Variants in HNRNPUL1 observed in about 807,000 individuals in gnomAD.
The protein encoded by HNRNPUL1 is heterogeneous nuclear ribonucleoprotein U like 1, also known as heterogeneous nuclear ribonucleoprotein U-like protein 1.
In HNRNPUL1, 14 loss-of-function variants were observed where a neutral mutation model predicts 108.5. The ratio of observed to expected loss-of-function variants is 0.13; its 90% CI spans 0.09 to 0.20. The LOEUF (loss-of-function observed/expected upper bound fraction) is 0.20, where lower values mean the gene tolerates loss of function less well. HNRNPUL1 is among the 10% of genes least tolerant of loss of function. HNRNPUL1 has a pLI of 1.00. For missense variants in HNRNPUL1, 804 were observed against 1,168.3 expected (o/e 0.69, Z 4.55); for synonymous variants, 422 against 445.2 (o/e 0.95, Z 0.66).
rs758876623 is a variant in HNRNPUL1, at chr19:41,305,666, C to T, written c.2263-10C>T. On this transcript the variant is annotated splice_polypyrimidine_tract_variant and intron_variant, in intron 13 of 14. Transcript: ENST00000392006. Reference sequence around the variant, plus strand: ...CACAGAGCTTTGGCTTTTTTCCCTCCACTTTCCAGCCGAGTTACAGCCAGC... The same window carrying T: ...CACAGAGCTTTGGCTTTTTTCCCTCTACTTTCCAGCCGAGTTACAGCCAGC... The T allele has an allele frequency of 6.2e-6, 10 of 1,613,992 alleles. No individual in the cohort carries two copies. The South Asian group carries it at 9.9e-5, about 16-fold the overall frequency.
chr19:41,301,725 A>G, intron 11 of HNRNPUL1, 21 bp downstream of exon 11: 1 of 1,601,192 alleles, frequency 6.2e-7, no homozygotes, highest in East Asian at 2.2e-5. Flanking sequence ...AGTGCTTCCC[A>G]GAGGAACGTC....
Position 41,304,135 on chromosome 19 carries a change from G to A in HNRNPUL1, c.2136G>A (p.Pro712=), listed in dbSNP as rs148483967. The change falls in exon 13 of 15, where the codon CCG becomes CCA. Residue 712 remains proline, a synonymous_variant. Coordinates refer to ENST00000392006, the MANE Select transcript of HNRNPUL1 (RefSeq NM_007040.6). Reference sequence around the variant, plus strand: ...CACAGCCACCACCCCAGCAGCCACCGCCACCACCCAGCTACAGCCCTGCTC... The same window carrying A: ...CACAGCCACCACCCCAGCAGCCACCACCACCACCCAGCTACAGCCCTGCTC... ...PPPQPPPQQP[P]PPPSYSPARN... 2.5e-5 allele frequency: 41 copies of A among 1,613,838 alleles called. No homozygotes were observed. The highest frequency in any genetic ancestry group is 1.3e-4 in the Admixed American group (8 of 59,980).
rs552927391 is a variant in HNRNPUL1, at chr19:41,306,309, C to T, written c.2455-140C>T. ...TGTGGTGTCAGGTCTTTCCAAGGTGCCTTGATTTCTCTGTCAGGGGACCTG... is the reference window on the plus strand; with the variant it reads ...TGTGGTGTCAGGTCTTTCCAAGGTGTCTTGATTTCTCTGTCAGGGGACCTG... On this transcript the variant is annotated intron_variant, in intron 14 of 14. Transcript: ENST00000392006. 4 of 596,614 alleles carry T rather than the reference C, an allele frequency of 6.7e-6. No homozygotes were observed. In the East Asian group the frequency reaches 1.2e-4, roughly 18 times the overall value. The allele number at this position is 596,614 out of a possible 1,614,324, so 37.0% of individuals were successfully genotyped here.
At chr19:41,267,370 C>T (rs189322269) in intron 1 of HNRNPUL1, among the ~76,000 whole-genome samples, 3 of 152,256 alleles carry the variant, frequency 2.0e-5, no homozygotes, top group African/African-American at 7.2e-5. Context: ...GAGCATTGTG[C>T]TTGGAGCCTG....
rs763928932 is a variant in HNRNPUL1, at chr19:41,301,564, G to A, written c.1547G>A (p.Arg516Gln). The A allele has an allele frequency of 1.9e-6, 3 of 1,613,992 alleles. No individual in the cohort carries two copies. Among genetic ancestry groups the A allele is most frequent in the South Asian group, 1.1e-5 (1 of 91,074 alleles). Reference protein sequence around the residue: ...QTNVYGSAQRRKMRPFEGFQR... With the variant: ...QTNVYGSAQRQKMRPFEGFQR... ...AATGTTTATGGGTCAGCCCAGAGAC[G>A]AAAAATGAGACCATTTGAAGGCTTC... The change falls in exon 11 of 15, where the codon CGA becomes CAA. Residue 516 changes from arginine (R) to glutamine (Q), a missense_variant. By Grantham distance (43) the Arg-to-Gln change is conservative. Transcript: ENST00000392006.
rs903580103 is a variant in HNRNPUL1 at position 41,272,293 on chromosome 19, C to T, written c.572+58C>T. The stretch of plus-strand genomic sequence containing the variant: ...TGGTAGGTTTCTATATCCATAGCCT[C>T]GTGCTTGCTGGGGACATTTGCACTA... On this transcript the variant is annotated intron_variant, in intron 3 of 14. Coordinates refer to ENST00000392006, the MANE Select transcript of HNRNPUL1 (RefSeq NM_007040.6). The T allele has an allele frequency of 3.4e-5, 53 of 1,551,690 alleles. No individual in the cohort carries two copies. In the African/African-American group the frequency reaches 5.2e-4, roughly 15 times the overall value.
In HNRNPUL1 at chr19:41,273,969, G is replaced by A; in HGVS notation, c.573-13G>A. Reference sequence around the variant, plus strand: ...ATTGTTCTTGTATGACTTAACCCCTGTTTCTAATACAGGGGCCGCTCTCCT... The same window carrying A: ...ATTGTTCTTGTATGACTTAACCCCTATTTCTAATACAGGGGCCGCTCTCCT... On this transcript the variant is annotated splice_polypyrimidine_tract_variant and intron_variant, in intron 3 of 14. Transcript: ENST00000392006. The A allele has an allele frequency of 6.2e-7, 1 of 1,610,738 alleles. No individual in the cohort carries two copies. The highest frequency in any genetic ancestry group is 8.5e-7 in the Non-Finnish European group (1 of 1,177,114).
At position 41,276,261 on chromosome 19, in the gene HNRNPUL1, A is replaced by T; in HGVS notation, c.749A>T (p.Tyr250Phe). 1 of 1,613,288 alleles carries T rather than the reference A, an allele frequency of 6.2e-7. No homozygotes were observed. The change falls in exon 5 of 15, where the codon TAT becomes TTT. Residue 250 changes from tyrosine (Y) to phenylalanine (F), a missense_variant. Tyr to Phe is a conservative substitution (Grantham distance 22). This residue lies in a region of HNRNPUL1 where 174 missense variants were observed against 296.6 expected (regional missense o/e 0.59). Coordinates refer to ENST00000392006, the MANE Select transcript of HNRNPUL1 (RefSeq NM_007040.6). ...AYLWSGARAS[Y>F]GVRRGRVCFE... Reference sequence around the variant, plus strand: ...CTGTGGTCAGGAGCCCGTGCCAGCTATGGGGTCAGAAGGGGCCGTGTATGC... The same window carrying T: ...CTGTGGTCAGGAGCCCGTGCCAGCTTTGGGGTCAGAAGGGGCCGTGTATGC...
At chr19:41,305,544 A>T in intron 13 of HNRNPUL1, 132 bp from the exon 14 acceptor site, 1 of 1,104,690 alleles carries the variant, frequency 9.1e-7, no homozygotes, top group South Asian at 1.4e-5. Flanking sequence ...GCCCACAAAC[A>T]ATGTCCACTA....
Position 41,306,580 on chromosome 19 carries a change from A to T in HNRNPUL1, c.*15A>T. 1 of 1,441,324 alleles carries T rather than the reference A, an allele frequency of 6.9e-7. No homozygotes were observed. Among genetic ancestry groups the T allele is most frequent in the Non-Finnish European group, 9.3e-7 (1 of 1,080,076 alleles). 89.3% of individuals were successfully genotyped at this position (1,441,324 alleles called of 1,614,324 possible). A position where few individuals can be genotyped will look rare whatever the true frequency, so the allele number is the denominator to read the frequency against. ...GTACACAGTAGCCAGTGTGACCCAG[A>T]GGCTCCCGGAGGCCCCTGCCGGCTT... On this transcript the variant is annotated 3_prime_UTR_variant, in exon 15 of 15. Coordinates refer to ENST00000392006, the MANE Select transcript of HNRNPUL1 (RefSeq NM_007040.6).
intron 5 of HNRNPUL1, 116 bp from the exon 6 acceptor site, chr19:41,278,958 TCTC>T: frequency 1.3e-6 from 1 of 757,208 alleles, no homozygotes; most frequent in South Asian, 1.6e-5. Context: ...AAACGCTTCT[TCTC>T]CAGCAAGAAA....
chr19:41,292,563 GACACACACAC>G lies in HNRNPUL1; in HGVS notation c.1266+66_1266+75del, dbSNP rs57173622. The G allele has an allele frequency of 8.0e-6, 12 of 1,505,172 alleles. No homozygotes were observed. Among genetic ancestry groups the G allele is most frequent in the South Asian group, 1.2e-5 (1 of 86,762 alleles). The allele number at this position is 1,505,172 out of a possible 1,614,324, so 93.2% of individuals were successfully genotyped here. A position where few individuals can be genotyped will look rare whatever the true frequency, so the allele number is the denominator to read the frequency against. On this transcript the variant is annotated intron_variant, in intron 8 of 14. Transcript: ENST00000392006. This position sits in a 1 kb window ranked among gnomAD's most constrained non-coding sequence, Gnocchi z 4.1. ...GCCACCTTGCTGCCAAGACAGAGGA[GACACACACAC>G]ACACACACACACAGACTTGCTGCGA...
In HNRNPUL1 at chr19:41,269,479, CGA is replaced by C. The variant is rs2035075537; in HGVS notation, c.418+1135_418+1136del. Among the ~76,000 whole-genome samples the C allele has an allele frequency of 6.9e-5, 4 of 57,752 alleles. No homozygotes were observed. The South Asian group carries it at 2.1e-3, about 31-fold the overall frequency. 37.9% of individuals were successfully genotyped at this position (57,752 alleles called of 152,430 possible). A position where few individuals can be genotyped will look rare whatever the true frequency, so the allele number is the denominator to read the frequency against. On this transcript the variant is annotated intron_variant, in intron 2 of 14. Coordinates refer to ENST00000392006, the MANE Select transcript of HNRNPUL1 (RefSeq NM_007040.6). ...TGGGTGACAGTGCAAGACCCTGTCACGAAAAAAAAAAAAAAAAAAAAAAACCT... is the reference window on the plus strand; with the variant it reads ...TGGGTGACAGTGCAAGACCCTGTCACAAAAAAAAAAAAAAAAAAAAAACCT...
intron 1 of HNRNPUL1, 182 bp from the exon 2 acceptor site, chr19:41,268,041 C>A: frequency 2.0e-6 from 1 of 503,094 alleles, no homozygotes; most frequent in Non-Finnish European, 3.4e-6. Context: ...TTCAGTGGGG[C>A]AAGCTTGTCT....
intron 1 of HNRNPUL1, chr19:41,265,479 C>A: frequency 8.5e-7 from 1 of 1,170,696 alleles, no homozygotes; most frequent in African/African-American, 1.6e-5. Context: ...ACCCCCATCT[C>A]TCTTCCGGGG....
chr19:41,289,800 A>G (rs887331012), intron 7 of HNRNPUL1, among the ~76,000 whole-genome samples: 2 of 145,430 alleles, frequency 1.4e-5, no homozygotes, highest in East Asian at 2.0e-4. Flanking sequence ...GCAACCTCCA[A>G]CTCCCTAGTT....
Position 41,264,458 on chromosome 19 carries a change from C to T in HNRNPUL1, c.-46C>T, listed in dbSNP as rs2034678527. The T allele has an allele frequency of 6.7e-6, 9 of 1,340,334 alleles. No homozygotes were observed. In the South Asian group the frequency reaches 1.5e-4, roughly 22 times the overall value. The allele number at this position is 1,340,334 out of a possible 1,614,324, so 83.0% of individuals were successfully genotyped here. A position where few individuals can be genotyped will look rare whatever the true frequency, so the allele number is the denominator to read the frequency against. On this transcript the variant is annotated 5_prime_UTR_variant, in exon 1 of 15. Transcript: ENST00000392006. ...GGAAAGGTTTAAGGGGGACAGAGCC[C>T]TGGGAGGCCGGGCCGGGCTCGGGGG...
In HNRNPUL1 at chr19:41,292,304, C is replaced by T; in HGVS notation, c.1059C>T (p.Gly353=). The change falls in exon 8 of 15, where the codon GGC becomes GGT. Residue 353 remains glycine, a synonymous_variant. Transcript: ENST00000392006. This position sits in a 1 kb window ranked among gnomAD's most constrained non-coding sequence, Gnocchi z 4.1. ...TTACCAAGAATGGAAAGTGGATGGGCATTGCTTTCCGAATCCAGAAGGAAG... is the reference window on the plus strand; with the variant it reads ...TTACCAAGAATGGAAAGTGGATGGGTATTGCTTTCCGAATCCAGAAGGAAG... The part of the protein sequence containing the change: ...LSFTKNGKWM[G]IAFRIQKEAL... The T allele has an allele frequency of 6.2e-7, 1 of 1,614,124 alleles. No individual in the cohort carries two copies. Among genetic ancestry groups the T allele is most frequent in the Non-Finnish European group, 8.5e-7 (1 of 1,179,954 alleles).
intron 10 of HNRNPUL1, among the ~76,000 whole-genome samples, chr19:41,301,129 C>T (rs1180091943): frequency 1.3e-5 from 2 of 152,182 alleles, no homozygotes; most frequent in Non-Finnish European, 2.9e-5. Context: ...ATTCATTCTT[C>T]ATTCTCTCTG....
Sources: allele counts gnomAD v4.1 joint callset (sites outside exome capture counted in the v4.1 genomes callset), GRCh38; gene constraint gnomAD v4.1.1; regional missense constraint gnomAD v4.1.1; non-coding constraint Gnocchi (gnomAD v3.1); transcripts MANE v1.5; gene names NCBI Gene and HGNC (gene_info 2026-07-23, HGNC 2026-07-21).